SHANK2: variants seen among roughly 807,000 people sequenced by gnomAD.
The protein encoded by SHANK2 is SH3 and multiple ankyrin repeat domains protein 2.
Under a neutral mutation model 133.7 loss-of-function variants are expected in SHANK2, and 43 were observed. The ratio of observed to expected loss-of-function variants is 0.32; its 90% CI spans 0.25 to 0.41. SHANK2 has a LOEUF of 0.41. Among genes scored for constraint, SHANK2 ranks in the 10% least tolerant of loss-of-function variants. The pLI is 1.00. For missense variants in SHANK2, 1,994 were observed against 2,235.8 expected, an observed-to-expected ratio of 0.89 and a Z score of 2.18; for synonymous variants, 1,017 against 952.8, an observed-to-expected ratio of 1.07 and a Z score of -1.24.
intron 2 of SHANK2, among the ~76,000 whole-genome samples, chr11:71,187,789 G>C (rs1953703717): frequency 6.6e-6 from 1 of 152,188 alleles, no homozygotes; most frequent in Non-Finnish European, 1.5e-5. Flanking sequence ...GAGCAGCCTT[G>C]GAAGTTAGAG....
rs76293487 is a variant in SHANK2 at position 71,229,890 on chromosome 11, T to A, written c.-112-5094A>T. ...AAAACAAATCAAAGATCTAAAAAAATTGAGAGACATACCCTGTTCATGGAT... is the reference window on the plus strand; with the variant it reads ...AAAACAAATCAAAGATCTAAAAAAAATGAGAGACATACCCTGTTCATGGAT... On this transcript the variant is annotated intron_variant, in intron 1 of 25. Coordinates refer to ENST00000601538, the MANE Select transcript of SHANK2 (RefSeq NM_012309.5). Among the ~76,000 whole-genome samples the A allele has an allele frequency of 3.2e-3, 480 of 151,936 alleles. 3 individuals are homozygous for A. The highest frequency in any genetic ancestry group is 0.011 in the African/African-American group (461 of 41,418).
In SHANK2 at chr11:70,675,359, G is replaced by A. The variant is rs1023394154; in HGVS notation, c.1854-13681C>T. On this transcript the variant is annotated intron_variant, in intron 15 of 25. Transcript: ENST00000601538. Reference sequence around the variant, plus strand: ...AACTAATTGAATCCTCATAATGACCGTATGAGGCAGGAGCTGTGATGACGC... The same window carrying A: ...AACTAATTGAATCCTCATAATGACCATATGAGGCAGGAGCTGTGATGACGC... Among the ~76,000 whole-genome samples the A allele has an allele frequency of 5.3e-5, 8 of 152,176 alleles. No homozygotes were observed. The East Asian group carries it at 9.6e-4, about 18-fold the overall frequency.
intron 13 of SHANK2, among the ~76,000 whole-genome samples, chr11:70,806,392 T>C (rs1208370548): frequency 6.6e-6 from 1 of 152,156 alleles, no homozygotes. Flanking sequence ...CCAACCCTAC[T>C]TTTATCTTCC....
At chr11:70,894,055 T>C (rs1214049161) in intron 11 of SHANK2, among the ~76,000 whole-genome samples, 2 of 152,136 alleles carry the variant, frequency 1.3e-5, no homozygotes, top group Non-Finnish European at 2.9e-5. Flanking sequence ...TCGTAAAGAG[T>C]TGTCTGCATC....
intron 2 of SHANK2, among the ~76,000 whole-genome samples, chr11:71,171,478 A>G (rs1238145259): frequency 1.3e-5 from 2 of 152,198 alleles, no homozygotes; most frequent in Non-Finnish European, 2.9e-5. Context: ...AATTGGTGAC[A>G]TCTTTTACAT....
intron 2 of SHANK2, among the ~76,000 whole-genome samples, chr11:71,210,291 C>A (rs969336190): frequency 2.8e-5 from 4 of 144,026 alleles, no homozygotes; most frequent in African/African-American, 1.0e-4. Flanking sequence ...CTCTGTCGCC[C>A]AGGCTGGAGT....
intron 14 of SHANK2, among the ~76,000 whole-genome samples, chr11:70,724,410 G>A (rs1478164844): frequency 5.9e-5 from 9 of 152,150 alleles, no homozygotes; most frequent in African/African-American, 2.2e-4. Context: ...GTGGTGGGGT[G>A]TGTGTGTATG....
chr11:71,236,300 C>T (rs1159279541), intron 1 of SHANK2, among the ~76,000 whole-genome samples: 1 of 152,158 alleles, frequency 6.6e-6, no homozygotes, highest in Admixed American at 6.5e-5. Context: ...ATGCTGTGAC[C>T]AGTAAAAGCA....
In SHANK2 at chr11:70,735,112, C is replaced by A. The variant is rs559381706; in HGVS notation, c.1778-36349G>T. On this transcript the variant is annotated intron_variant, in intron 14 of 25. Transcript: ENST00000601538. The stretch of plus-strand genomic sequence containing the variant: ...GGTGGGCGAGGCCGTGGCCTCCCCC[C>A]AGGTGGGCAGGTTTTCGGGACTCTG... Among the ~76,000 whole-genome samples, 212 of 152,312 alleles carry A rather than the reference C, an allele frequency of 1.4e-3. 2 individuals are homozygous for A. Among genetic ancestry groups the A allele is most frequent in the African/African-American group, 4.2e-3 (175 of 41,576 alleles).
chr11:70,772,633 C>T (rs1555043127), intron 14 of SHANK2, among the ~76,000 whole-genome samples: 1 of 152,148 alleles, frequency 6.6e-6, no homozygotes, highest in Non-Finnish European at 1.5e-5. Flanking sequence ...GGTCCCCTCT[C>T]TGCACCAGGG....
At chr11:70,639,799 C>G (rs535685065) in intron 17 of SHANK2, among the ~76,000 whole-genome samples, 1 of 152,018 alleles carries the variant, frequency 6.6e-6, no homozygotes, top group Non-Finnish European at 1.5e-5. Flanking sequence ...AGGGCCTGAG[C>G]GGACCCCCCT....
chr11:70,925,282 C>T (rs1418469562), intron 10 of SHANK2, among the ~76,000 whole-genome samples: 3 of 152,156 alleles, frequency 2.0e-5, no homozygotes, highest in Admixed American at 2.0e-4. Flanking sequence ...GCTATGTTGA[C>T]TCTGTGCTAA....
chr11:71,083,256 T>C (rs1175098175), intron 8 of SHANK2, among the ~76,000 whole-genome samples: 1 of 152,118 alleles, frequency 6.6e-6, no homozygotes, highest in Non-Finnish European at 1.5e-5. Flanking sequence ...ATTATTTACT[T>C]CTAATGATGA....
chr11:70,827,690 A>AACACACAC (rs113156725), intron 11 of SHANK2, among the ~76,000 whole-genome samples: 82 of 130,496 alleles, frequency 6.3e-4, no homozygotes, highest in African/African-American at 2.0e-3. Context: ...AGAAATTTAA[A>AACACACAC]ACACACACAC....
At chr11:71,179,829 A>G (rs1294026986) in intron 2 of SHANK2, among the ~76,000 whole-genome samples, 1 of 152,250 alleles carries the variant, frequency 6.6e-6, no homozygotes, top group Non-Finnish European at 1.5e-5. Context: ...CTCTATTTAC[A>G]AACGCCAACA....
At chr11:71,251,346 G>A (rs1332324220) in intron 1 of SHANK2, among the ~76,000 whole-genome samples, 2 of 152,158 alleles carry the variant, frequency 1.3e-5, no homozygotes, top group Non-Finnish European at 2.9e-5. Flanking sequence ...GAACCCTGGC[G>A]GCGAGGTCCA....
chr11:70,703,135 A>C (rs1316845318), intron 14 of SHANK2, among the ~76,000 whole-genome samples: 1 of 152,178 alleles, frequency 6.6e-6, no homozygotes, highest in Non-Finnish European at 1.5e-5. Context: ...GACAGCAACC[A>C]ATGGCCATAG....
chr11:70,790,540 C>A (rs782218873), intron 14 of SHANK2, among the ~76,000 whole-genome samples: 1 of 152,204 alleles, frequency 6.6e-6, no homozygotes, highest in African/African-American at 2.4e-5. Context: ...ATTGAGGTTT[C>A]TTTGAGGAAG....
chr11:71,201,906 G>A (rs1474711930), intron 2 of SHANK2, among the ~76,000 whole-genome samples: 4 of 152,224 alleles, frequency 2.6e-5, no homozygotes, highest in African/African-American at 9.6e-5. Context: ...AGTGGCTTCT[G>A]TCATTGCCAA....
Sources: gnomAD v4.1 joint callset for allele counts (sites outside exome capture counted in the v4.1 genomes callset) on GRCh38, gnomAD v4.1.1 for gene constraint, MANE v1.5 for transcripts, NCBI Gene and HGNC (gene_info 2026-07-23, HGNC 2026-07-21) for gene names.